Variants in SV2C observed in about 807,000 individuals in gnomAD.
SV2C encodes the protein synaptic vesicle glycoprotein 2C.
In SV2C, 49 loss-of-function variants were observed where a neutral mutation model predicts 79.7. The ratio of observed to expected loss-of-function variants is 0.61; its 90% confidence interval spans 0.49 to 0.78. SV2C has a LOEUF of 0.78. Among genes scored for constraint, SV2C ranks in the 30% least tolerant of loss-of-function variants. The probability of loss-of-function intolerance (pLI) is 0.00; values close to 1 mark genes in which losing one functional copy is unlikely to be tolerated. For missense variants in SV2C, 833 were observed against 912.9 expected (o/e 0.91, Z 1.13); for synonymous variants, 334 against 333.2 (o/e 1.00, Z -0.03).
chr5:76,142,386 C>CTT (rs1426421570), intron 2 of SV2C, among the ~76,000 whole-genome samples: 1 of 152,150 alleles, frequency 6.6e-6, no homozygotes, highest in Non-Finnish European at 1.5e-5. Context: ...TCACATCTCT[C>CTT]TGTCTTGATT....
At chr5:76,083,919 G>A (rs1747080326) in intron 1 of SV2C, 1 of 152,302 alleles carries the variant, frequency 6.6e-6, no homozygotes, top group Non-Finnish European at 1.5e-5. Flanking sequence ...GCAGCCTAGA[G>A]CCCCGGGCTG....
the SV2C span, among the ~76,000 whole-genome samples, chr5:75,871,834 T>TATATACACAC: frequency 8.4e-6 from 1 of 118,854 alleles, no homozygotes; most frequent in African/African-American, 3.3e-5. Context: ...TATATATATA[T>TATATACACAC]ACACACACAC....
At chr5:76,090,284 G>C (rs1267479021) in intron 1 of SV2C, among the ~76,000 whole-genome samples, 1 of 152,180 alleles carries the variant, frequency 6.6e-6, no homozygotes, top group Non-Finnish European at 1.5e-5. Flanking sequence ...TGAGTGTGGG[G>C]TCCCATGTTT....
chr5:76,313,740 T>G (rs1748532790), intron 12 of SV2C, among the ~76,000 whole-genome samples: 1 of 152,156 alleles, frequency 6.6e-6, no homozygotes, highest in African/African-American at 2.4e-5. Context: ...GGAGTACCAT[T>G]TCACCAACTT....
the SV2C span, chr5:75,910,228 A>G: frequency 2.4e-6 from 1 of 419,954 alleles, no homozygotes; most frequent in Non-Finnish European, 4.6e-6. Flanking sequence ...CATGAGTTCA[A>G]GGCCAGCCTG....
chr5:76,343,421 G>GA, intron 12 of SV2C, among the ~76,000 whole-genome samples: 1 of 152,202 alleles, frequency 6.6e-6, no homozygotes, highest in Non-Finnish European at 1.5e-5. Flanking sequence ...AAACTTCACC[G>GA]AAAAAATATC....
At chr5:75,904,400 CAGAGAGAGAG>C in the SV2C span, among the ~76,000 whole-genome samples, 2,392 of 138,826 alleles carry the variant, frequency 0.017, 33 homozygotes, top group African/African-American at 0.047. Flanking sequence ...AAAACAAACC[CAGAGAGAGAG>C]AGAGAGAGAG....
chr5:76,352,664 G>C (rs560439714), intron 12 of SV2C, among the ~76,000 whole-genome samples: 366 of 152,290 alleles, frequency 2.4e-3, no homozygotes, highest in Non-Finnish European at 4.5e-3. Context: ...CCAGTCTGTG[G>C]TATTCTGTTA....
At chr5:76,160,170 C>T (rs1461440092) in intron 2 of SV2C, among the ~76,000 whole-genome samples, 1 of 151,952 alleles carries the variant, frequency 6.6e-6, no homozygotes, top group African/African-American at 2.4e-5. Context: ...TATCAAAATC[C>T]CAGCTAGATT....
At chr5:76,192,912 C>A (rs1561258150) in intron 2 of SV2C, among the ~76,000 whole-genome samples, 1 of 152,122 alleles carries the variant, frequency 6.6e-6, no homozygotes, top group Non-Finnish European at 1.5e-5. Flanking sequence ...GAATTTAATA[C>A]CATTTTGAAA....
At chr5:75,973,854 C>T in the SV2C span, among the ~76,000 whole-genome samples, 1 of 151,972 alleles carries the variant, frequency 6.6e-6, no homozygotes, top group Non-Finnish European at 1.5e-5. Context: ...AAACTAACCT[C>T]ATGTCATATG....
rs1747735779 is a variant in SV2C at position 76,295,832 on chromosome 5, T to C, written c.1392T>C (p.Asp464=). ...ATGTCATTAAACCTCTGCAGTCCGA[T>C]GAATATGCATTGCTAACCAGAAATG... ...FPDVIKPLQS[D]EYALLTRNVE... is the part of the protein sequence containing the mutation. The change falls in exon 9 of 13, where the codon GAT becomes GAC. Residue 464 remains aspartate (D), a synonymous_variant. Coordinates refer to ENST00000502798, the MANE Select transcript of SV2C (RefSeq NM_014979.4). The C allele has an allele frequency of 2.5e-6, 4 of 1,613,552 alleles. No homozygotes were observed. Among genetic ancestry groups the C allele is most frequent in the African/African-American group, 2.7e-5 (2 of 74,906 alleles).
intron 4 of SV2C, among the ~76,000 whole-genome samples, chr5:76,230,075 G>T (rs1282089896): frequency 6.6e-6 from 1 of 152,180 alleles, no homozygotes; most frequent in Non-Finnish European, 1.5e-5. Context: ...GCACAAGGCA[G>T]GGCAGTACTT....
intron 1 of SV2C, among the ~76,000 whole-genome samples, chr5:76,098,517 G>T (rs558822429): frequency 5.9e-5 from 9 of 152,310 alleles, no homozygotes; most frequent in Non-Finnish European, 8.8e-5. Context: ...AGACATTGTT[G>T]TCGGGGCAAA....
intron 12 of SV2C, among the ~76,000 whole-genome samples, chr5:76,342,120 G>T (rs1325739957): frequency 6.6e-6 from 1 of 152,144 alleles, no homozygotes; most frequent in Non-Finnish European, 1.5e-5. Context: ...CAGCCAGAAA[G>T]AGGAGGAAGG....
At chr5:75,970,992 C>T in the SV2C span, among the ~76,000 whole-genome samples, 1 of 152,120 alleles carries the variant, frequency 6.6e-6, no homozygotes, top group Non-Finnish European at 1.5e-5. Context: ...AAGTGGGCTT[C>T]ATCCCTGGGA....
At chr5:76,026,204 A>ACG in the SV2C span, among the ~76,000 whole-genome samples, 2 of 121,668 alleles carry the variant, frequency 1.6e-5, no homozygotes, top group Admixed American at 8.3e-5. Context: ...ATTTACAAAC[A>ACG]CACACACACA....
the SV2C span, among the ~76,000 whole-genome samples, chr5:75,962,619 C>G: frequency 6.6e-6 from 1 of 152,114 alleles, no homozygotes; most frequent in East Asian, 1.9e-4. Context: ...TTTACATCTA[C>G]TAGGTTAGTA....
At chr5:75,895,793 G>T in the SV2C span, among the ~76,000 whole-genome samples, 2 of 152,030 alleles carry the variant, frequency 1.3e-5, no homozygotes, top group African/African-American at 4.8e-5. Context: ...TTTGAGCTTG[G>T]GGGCTCTGTC....
Sources: allele counts gnomAD v4.1 joint callset (sites outside exome capture counted in the v4.1 genomes callset), GRCh38; gene constraint gnomAD v4.1.1; transcripts MANE v1.5; gene names NCBI Gene and HGNC (gene_info 2026-07-23, HGNC 2026-07-21).